The following LYPD6B variants were observed in gnomAD, a reference collection of about 807,000 sequenced individuals.
LYPD6B encodes LY6/PLAUR domain containing 6B, also known as ly6/PLAUR domain-containing protein 6B.
In LYPD6B, 17 loss-of-function variants were observed where a neutral mutation model predicts 22.8. The observed-to-expected ratio is 0.75, with a 90% confidence interval of 0.51 to 1.12. The LOEUF (loss-of-function observed/expected upper bound fraction) is 1.12. Ranked by LOEUF, LYPD6B falls within the 50% of genes most tolerant of loss-of-function variation. The pLI is 0.00. For synonymous variants in LYPD6B, 106 were observed against 91.6 expected, an observed-to-expected ratio of 1.16 and a Z score of -0.90; for missense variants, 221 against 258.3, an observed-to-expected ratio of 0.86 and a Z score of 0.99.
At chr2:149,045,104 A>G (rs2105260425) in intron 1 of LYPD6B, among the ~76,000 whole-genome samples, 1 of 152,176 alleles carries the variant, frequency 6.6e-6, no homozygotes, top group African/African-American at 2.4e-5. Context: ...TTATAAATAG[A>G]TATAGGACTA....
At chr2:149,130,572 C>G (rs559789372) in intron 1 of LYPD6B, among the ~76,000 whole-genome samples, 1 of 152,328 alleles carries the variant, frequency 6.6e-6, no homozygotes, top group Admixed American at 6.5e-5. Flanking sequence ...TACAGCAGAG[C>G]TGGATTAAGT....
intron 3 of LYPD6B, chr2:149,204,974 C>A: frequency 3.2e-6 from 1 of 314,420 alleles, no homozygotes; most frequent in Admixed American, 4.7e-5. Flanking sequence ...GGGGTGCAGC[C>A]AGGCCAGCTC....
At chr2:149,053,621 A>T (rs1683662775) in intron 1 of LYPD6B, among the ~76,000 whole-genome samples, 1 of 152,214 alleles carries the variant, frequency 6.6e-6, no homozygotes, top group Admixed American at 6.5e-5. Flanking sequence ...TTTAAAGTAT[A>T]CGATTCAGTG....
At chr2:149,144,783 C>T (rs6760951) in intron 2 of LYPD6B, among the ~76,000 whole-genome samples, 5,940 of 152,256 alleles carry the variant, frequency 0.039, 368 homozygotes, top group African/African-American at 0.13. Flanking sequence ...AAGTCACCCC[C>T]AGAAGAGGAG....
rs1693446381 is a variant in LYPD6B, at chr2:149,205,397, T to G, written c.222T>G (p.Pro74=). Reference sequence around the variant, plus strand: ...TCAACTTCTATAATGTGAGGCCTCCTCTCGACCGTAAGTAGTGGTGGTTGC... The same window carrying G: ...TCAACTTCTATAATGTGAGGCCTCCGCTCGACCGTAAGTAGTGGTGGTTGC... The part of the protein sequence containing the change: ...KNINFYNVRP[P]LDPTPFPNSF... The change falls in exon 4 of 7, where the codon CCT becomes CCG. Residue 74 remains proline (P), a synonymous_variant. Coordinates refer to ENST00000409642, the MANE Select transcript of LYPD6B (RefSeq NM_177964.5). The G allele has an allele frequency of 1.9e-6, 3 of 1,613,758 alleles. No individual in the cohort carries two copies. Among genetic ancestry groups the G allele is most frequent in the Non-Finnish European group, 2.5e-6 (3 of 1,179,760 alleles).
Position 149,166,685 on chromosome 2 carries a change from G to A in LYPD6B, c.77+5850G>A, listed in dbSNP as rs116784197. Among the ~76,000 whole-genome samples the A allele has an allele frequency of 2.3e-3, 346 of 152,192 alleles. 1 individual carries two copies. The highest frequency in any genetic ancestry group is 7.1e-3 in the African/African-American group (293 of 41,528). ...CATCGTCTTATGTGGGCTCAGGTTG[G>A]CATCAATGTCTGTTGCATTGCTACC... On this transcript the variant is annotated intron_variant, in intron 3 of 6. Transcript: ENST00000409642.
intron 3 of LYPD6B, among the ~76,000 whole-genome samples, chr2:149,198,423 T>C (rs992775736): frequency 2.0e-5 from 3 of 152,326 alleles, no homozygotes; most frequent in South Asian, 2.1e-4. Flanking sequence ...AGGTATAAAA[T>C]CCTGTCTTTG....
chr2:149,053,957 A>G (rs1440090786), intron 1 of LYPD6B, among the ~76,000 whole-genome samples: 1 of 152,248 alleles, frequency 6.6e-6, no homozygotes, highest in Non-Finnish European at 1.5e-5. Flanking sequence ...TGGCTGAATA[A>G]TATTCCGTTG....
chr2:149,170,134 T>C (rs1416947145), intron 3 of LYPD6B, among the ~76,000 whole-genome samples: 1 of 152,192 alleles, frequency 6.6e-6, no homozygotes, highest in Admixed American at 6.5e-5. Flanking sequence ...TAATGGTCAG[T>C]ACAGAATGAT....
intron 1 of LYPD6B, among the ~76,000 whole-genome samples, chr2:149,100,566 G>T (rs1686153445): frequency 6.6e-6 from 1 of 152,022 alleles, no homozygotes; most frequent in African/African-American, 2.4e-5. Flanking sequence ...AATGGGTATG[G>T]GTCCTAAGAC....
intron 1 of LYPD6B, among the ~76,000 whole-genome samples, chr2:149,048,954 A>G (rs1322409661): frequency 2.0e-5 from 3 of 152,192 alleles, no homozygotes; most frequent in Admixed American, 2.0e-4. Context: ...CAATTAATAT[A>G]CGTCAGGATT....
intron 1 of LYPD6B, among the ~76,000 whole-genome samples, chr2:149,112,219 A>G (rs972880291): frequency 2.6e-5 from 4 of 152,188 alleles, no homozygotes; most frequent in Non-Finnish European, 5.9e-5. Flanking sequence ...GAGATATGAA[A>G]AAAAGTTCCC....
chr2:149,203,898 A>G (rs1346833662), intron 3 of LYPD6B, among the ~76,000 whole-genome samples: 1 of 152,226 alleles, frequency 6.6e-6, no homozygotes, highest in Non-Finnish European at 1.5e-5. Context: ...CAGTATACCC[A>G]CAATAAGAGA....
At chr2:149,086,576 G>GGTAA (rs1383670141) in intron 1 of LYPD6B, among the ~76,000 whole-genome samples, 2 of 152,202 alleles carry the variant, frequency 1.3e-5, no homozygotes, top group Non-Finnish European at 2.9e-5. Context: ...CAGGACAAAG[G>GGTAA]GTAAGGGGTG....
intron 1 of LYPD6B, among the ~76,000 whole-genome samples, chr2:149,107,496 T>G (rs1212443269): frequency 6.6e-6 from 1 of 152,188 alleles, no homozygotes; most frequent in Non-Finnish European, 1.5e-5. Context: ...GACTACTGCA[T>G]AGATATTTAG....
At chr2:149,105,589 T>C (rs1469047145) in intron 1 of LYPD6B, among the ~76,000 whole-genome samples, 1 of 152,152 alleles carries the variant, frequency 6.6e-6, no homozygotes, top group Non-Finnish European at 1.5e-5. Flanking sequence ...GGCTGAAAAT[T>C]TTTTTAATTC....
intron 2 of LYPD6B, among the ~76,000 whole-genome samples, chr2:149,147,746 A>T (rs180765154): frequency 1.3e-3 from 201 of 152,080 alleles, no homozygotes; most frequent in African/African-American, 4.6e-3. Flanking sequence ...ACTCCTGACC[A>T]CAGGTGATGC....
intron 1 of LYPD6B, among the ~76,000 whole-genome samples, chr2:149,105,594 T>A (rs146959193): frequency 0.011 from 1,716 of 152,276 alleles, 31 homozygotes; most frequent in African/African-American, 0.039. Context: ...AAAATTTTTT[T>A]AATTCCTGAT....
intron 1 of LYPD6B, among the ~76,000 whole-genome samples, chr2:149,084,549 C>T (rs1221050061): frequency 6.6e-6 from 1 of 152,132 alleles, no homozygotes; most frequent in African/African-American, 2.4e-5. Flanking sequence ...GTTGTTACTC[C>T]AAGAATCCCT....
Sources: allele counts gnomAD v4.1 joint callset (sites outside exome capture counted in the v4.1 genomes callset), GRCh38; gene constraint gnomAD v4.1.1; transcripts MANE v1.5; gene names NCBI Gene and HGNC (gene_info 2026-07-23, HGNC 2026-07-21).